Variants in OXR1 observed in about 807,000 individuals in gnomAD.
OXR1 encodes the protein oxidation resistance protein 1.
In OXR1, 41 loss-of-function variants were observed where a neutral mutation model predicts 104.6. The ratio of observed to expected loss-of-function variants is 0.39; its 90% CI spans 0.31 to 0.51. The LOEUF (loss-of-function observed/expected upper bound fraction) is 0.51. Among genes scored for constraint, OXR1 ranks in the 20% least tolerant of loss-of-function variants. OXR1 has a pLI of 0.77. For synonymous variants in OXR1, 348 were observed against 348.4 expected (o/e 1.00, Z 0.01); for missense variants, 955 against 1,031.9 (o/e 0.93, Z 1.02).
intron 2 of OXR1, among the ~76,000 whole-genome samples, chr8:106,374,149 T>A (rs944605158): frequency 6.6e-6 from 1 of 152,216 alleles, no homozygotes; most frequent in Non-Finnish European, 1.5e-5. Context: ...TACAGCCTAC[T>A]GGAGTCTTCT....
intron 2 of OXR1, among the ~76,000 whole-genome samples, chr8:106,457,769 T>C (rs1477360812): frequency 6.6e-6 from 1 of 152,182 alleles, no homozygotes; most frequent in African/African-American, 2.4e-5. Flanking sequence ...AATAAGGTAT[T>C]GGGAACTGAA....
chr8:106,357,435 T>C (rs1816018962), intron 1 of OXR1, among the ~76,000 whole-genome samples: 1 of 152,168 alleles, frequency 6.6e-6, no homozygotes, highest in Admixed American at 6.6e-5. Context: ...TGAAACTTCA[T>C]AGCTGCTTAC....
At chr8:106,337,000 A>T (rs1217400955) in intron 1 of OXR1, among the ~76,000 whole-genome samples, 1 of 152,246 alleles carries the variant, frequency 6.6e-6, no homozygotes, top group Non-Finnish European at 1.5e-5. Flanking sequence ...TTTTGCAAAT[A>T]TAAATGTAAC....
chr8:106,465,189 G>A (rs1016379472), intron 2 of OXR1, among the ~76,000 whole-genome samples: 1 of 151,902 alleles, frequency 6.6e-6, no homozygotes, highest in Non-Finnish European at 1.5e-5. Flanking sequence ...AGGAAGTGAG[G>A]GAGTTAGCTG....
intron 3 of OXR1, among the ~76,000 whole-genome samples, chr8:106,637,972 A>G (rs972461721): frequency 6.6e-6 from 1 of 151,872 alleles, no homozygotes; most frequent in Non-Finnish European, 1.5e-5. Flanking sequence ...TCACCGAGTT[A>G]GCCAGGATGG....
intron 2 of OXR1, among the ~76,000 whole-genome samples, chr8:106,498,197 G>A (rs956541065): frequency 4.6e-5 from 7 of 152,042 alleles, no homozygotes; most frequent in African/African-American, 1.4e-4. Context: ...ATAATTTTAG[G>A]AAAGTGGTAC....
intron 6 of OXR1, among the ~76,000 whole-genome samples, chr8:106,685,290 A>G (rs1828589585): frequency 6.6e-6 from 1 of 152,172 alleles, no homozygotes; most frequent in African/African-American, 2.4e-5. Context: ...ATAAGGGGCA[A>G]TGACAAAGTA....
intron 3 of OXR1, among the ~76,000 whole-genome samples, chr8:106,602,601 G>A (rs1820054855): frequency 6.6e-6 from 1 of 152,168 alleles, no homozygotes; most frequent in African/African-American, 2.4e-5. Context: ...AGTGGTGGAA[G>A]ATGGTGTTCA....
chr8:106,475,666 T>C lies in OXR1; in HGVS notation c.24-43277T>C, dbSNP rs1821763743. Among the ~76,000 whole-genome samples the C allele has an allele frequency of 2.0e-5, 3 of 152,010 alleles. No individual in the cohort carries two copies. In the South Asian group the frequency reaches 6.2e-4, roughly 31 times the overall value. Reference sequence around the variant, plus strand: ...ATATCTTATGAGTCCATTTTGAAAATGAATCAAAGAAGTCTTGAATAATTG... The same window carrying C: ...ATATCTTATGAGTCCATTTTGAAAACGAATCAAAGAAGTCTTGAATAATTG... On this transcript the variant is annotated intron_variant, in intron 2 of 16. Transcript: ENST00000517566.
At chr8:106,677,763 G>A (rs1406703967) in intron 3 of OXR1, among the ~76,000 whole-genome samples, 1 of 150,868 alleles carries the variant, frequency 6.6e-6, no homozygotes, top group Non-Finnish European at 1.5e-5. Flanking sequence ...GCGCACGCGT[G>A]TGTGTGTGTG....
At chr8:106,356,573 A>G (rs1021771587) in intron 1 of OXR1, among the ~76,000 whole-genome samples, 1 of 152,084 alleles carries the variant, frequency 6.6e-6, no homozygotes, top group Non-Finnish European at 1.5e-5. Flanking sequence ...GAAGCAAACA[A>G]TTCTCCACTT....
At chr8:106,312,729 G>A (rs1299006733) in intron 1 of OXR1, among the ~76,000 whole-genome samples, 1 of 152,108 alleles carries the variant, frequency 6.6e-6, no homozygotes, top group East Asian at 1.9e-4. Flanking sequence ...TTTTTTGAAA[G>A]CCATTTATAA....
chr8:106,371,853 G>A (rs1275555545), intron 2 of OXR1, among the ~76,000 whole-genome samples: 1 of 152,222 alleles, frequency 6.6e-6, no homozygotes, highest in African/African-American at 2.4e-5. Flanking sequence ...TTGGGCTGTG[G>A]GGACAAGTCT....
In OXR1 at chr8:106,582,037, A is replaced by C. The variant is rs912558181; in HGVS notation, c.220+62898A>C. Among the ~76,000 whole-genome samples, 7 of 149,156 alleles carry C rather than the reference A, an allele frequency of 4.7e-5. 1 individual carries two copies. The highest frequency in any genetic ancestry group is 5.9e-5 in the Non-Finnish European group (4 of 67,376). On this transcript the variant is annotated intron_variant, in intron 3 of 16. Coordinates refer to ENST00000517566, the MANE Select transcript of OXR1 (RefSeq NM_001198533.2). The stretch of plus-strand genomic sequence containing the variant: ...AGACTCTGTCTCAAAAAAAAAAAAA[A>C]AAAAAAACCTAAAAAACAACAACAA...
At chr8:106,387,730 C>T (rs1253788215) in intron 2 of OXR1, among the ~76,000 whole-genome samples, 1 of 152,142 alleles carries the variant, frequency 6.6e-6, no homozygotes. Flanking sequence ...TTGGAGGACA[C>T]ATGGTATAGA....
chr8:106,558,815 A>G (rs1481246020), intron 3 of OXR1, among the ~76,000 whole-genome samples: 1 of 152,156 alleles, frequency 6.6e-6, no homozygotes, highest in Non-Finnish European at 1.5e-5. Context: ...TATCTTCACA[A>G]CAAGTATACT....
chr8:106,672,887 T>C (rs144193640), intron 3 of OXR1, among the ~76,000 whole-genome samples: 139 of 152,310 alleles, frequency 9.1e-4, no homozygotes, highest in African/African-American at 3.1e-3. Context: ...TCTGCTATGA[T>C]TGTAAATTTC....
intron 2 of OXR1, among the ~76,000 whole-genome samples, chr8:106,497,524 T>G (rs1811492934): frequency 6.6e-6 from 1 of 152,166 alleles, no homozygotes; most frequent in African/African-American, 2.4e-5. Context: ...TAGTAAAAAT[T>G]GAAATAATAC....
At chr8:106,393,723 G>A (rs1817669977) in intron 2 of OXR1, among the ~76,000 whole-genome samples, 1 of 151,810 alleles carries the variant, frequency 6.6e-6, no homozygotes, top group African/African-American at 2.4e-5. Flanking sequence ...TAAGAATATA[G>A]GAATTTCAAA....
Sources: allele counts gnomAD v4.1 joint callset (sites outside exome capture counted in the v4.1 genomes callset), GRCh38; gene constraint gnomAD v4.1.1; transcripts MANE v1.5; gene names NCBI Gene and HGNC (gene_info 2026-07-23, HGNC 2026-07-21).